PARD6G: variants seen among roughly 807,000 people sequenced by gnomAD.
PARD6G encodes the protein partitioning defective 6 homolog gamma.
A neutral mutation model predicts 10.7 loss-of-function variants in PARD6G; 7 were observed. The ratio of observed to expected loss-of-function variants is 0.66; its 90% confidence interval spans 0.37 to 1.23. PARD6G has a LOEUF of 1.23. PARD6G is among the 50% of genes most tolerant of loss of function. PARD6G has a pLI of 0.02. For missense variants in PARD6G, 548 were observed against 571.8 expected (o/e 0.96, Z 0.42); for synonymous variants, 287 against 269.4 (o/e 1.07, Z -0.64).
Position 80,247,475 on chromosome 18 carries a change from C to G in PARD6G, c.-127G>C, listed in dbSNP as rs1403687792. 2.8e-5 allele frequency: 13 copies of G among 470,798 alleles called. No homozygotes were observed. The highest frequency in any genetic ancestry group is 1.7e-4 in the South Asian group (2 of 11,642). The allele number at this position is 470,798 out of a possible 1,614,324, so 29.2% of individuals were successfully genotyped here. On this transcript the variant is annotated 5_prime_UTR_variant, in exon 1 of 3. Coordinates refer to ENST00000353265, the MANE Select transcript of PARD6G (RefSeq NM_032510.4). This position sits in a 1 kb window ranked among gnomAD's most constrained non-coding sequence, Gnocchi z 4.2. ...GCGCTCGCTTGGCCGGCGGGCTGCT[C>G]CCGGTGCTGCGGGCCCGAGCTGGGC...
At chr18:80,224,409 C>G (rs941743332) in intron 1 of PARD6G, among the ~76,000 whole-genome samples, 2 of 152,194 alleles carry the variant, frequency 1.3e-5, no homozygotes, top group African/African-American at 4.8e-5. Context: ...TGCCTGGGCC[C>G]TGATTCAGTA....
At chr18:80,218,204 T>G (rs1967191450) in intron 1 of PARD6G, among the ~76,000 whole-genome samples, 1 of 152,044 alleles carries the variant, frequency 6.6e-6, no homozygotes, top group African/African-American at 2.4e-5. Context: ...CTTAACTCAT[T>G]CCAGCATTAA....
intron 1 of PARD6G, among the ~76,000 whole-genome samples, chr18:80,211,408 T>G (rs1157879617): frequency 1.3e-5 from 2 of 152,144 alleles, no homozygotes; most frequent in African/African-American, 2.4e-5. Context: ...AAAAGCAAAA[T>G]AGTAAGTGTT....
rs2052698228 is a variant in PARD6G at position 80,161,106 on chromosome 18, C to G, written c.296-500G>C. ...CAAGCCCCACCACAGTGTCTTCTAG[C>G]CAGCATTCAAGGCCCCTGAATGTGT... On this transcript the variant is annotated intron_variant, in intron 2 of 2. Transcript: ENST00000353265. The surrounding 1 kb of genome is among the most constrained non-coding windows in gnomAD (Gnocchi z 4.6). 6.6e-6 allele frequency among the ~76,000 whole-genome samples: 1 copy of G among 152,200 alleles called. No homozygotes were observed. Among genetic ancestry groups the G allele is most frequent in the African/African-American group, 2.4e-5 (1 of 41,460 alleles).
Position 80,182,950 on chromosome 18 carries a change from C to G in PARD6G, c.295+19760G>C, listed in dbSNP as rs1299398606. 3.2e-6 allele frequency: 2 copies of G among 615,824 alleles called. No individual in the cohort carries two copies. The highest frequency in any genetic ancestry group is 5.8e-6 in the Non-Finnish European group (2 of 343,200). 38.1% of individuals were successfully genotyped at this position (615,824 alleles called of 1,614,324 possible). ...ACAACACTGCAGGCCCCACACCACG[C>G]AGCCAGACGCCCCTCCCAGTCCTCC... On this transcript the variant is annotated intron_variant, in intron 2 of 2. Coordinates refer to ENST00000353265, the MANE Select transcript of PARD6G (RefSeq NM_032510.4). This position sits in a 1 kb window ranked among gnomAD's most constrained non-coding sequence, Gnocchi z 4.5.
At position 80,202,934 on chromosome 18, in the gene PARD6G, T is replaced by C; in HGVS notation, c.73-2A>G. On this transcript the variant is annotated splice_acceptor_variant, in intron 1 of 2. Transcript: ENST00000353265. LOFTEE classifies it high-confidence loss of function. The stretch of plus-strand genomic sequence containing the variant: ...GAACCTTCGGAATTCCGCCCCAAAC[T>C]ACAATGCAAGAGACGGGGTGGGGGG... 5 of 828,620 alleles carry C rather than the reference T, an allele frequency of 6.0e-6. No homozygotes were observed. The highest frequency in any genetic ancestry group is 2.3e-5 in the Admixed American group (1 of 43,246). The allele number at this position is 828,620 out of a possible 1,614,324, so 51.3% of individuals were successfully genotyped here. A position where few individuals can be genotyped will look rare whatever the true frequency, so the allele number is the denominator to read the frequency against.
chr18:80,243,011 G>C (rs1967506646), intron 1 of PARD6G, among the ~76,000 whole-genome samples: 1 of 152,158 alleles, frequency 6.6e-6, no homozygotes, highest in Non-Finnish European at 1.5e-5. Flanking sequence ...CGCACTCAAA[G>C]CCTGTAAAAG....
intron 2 of PARD6G, among the ~76,000 whole-genome samples, chr18:80,163,919 A>AG (rs1298200204): frequency 1.3e-4 from 20 of 152,354 alleles, no homozygotes; most frequent in South Asian, 1.2e-3. Context: ...CTGGGGCCTC[A>AG]GGACCGGAGA....
chr18:80,159,178 C>G lies in PARD6G; in HGVS notation c.*593G>C, dbSNP rs768134250. 18 of 151,994 alleles carry G rather than the reference C, an allele frequency of 1.2e-4. No homozygotes were observed. The allele number at this position is 151,994 out of a possible 1,614,324, so 9.4% of individuals were successfully genotyped here. On this transcript the variant is annotated 3_prime_UTR_variant, in exon 3 of 3. Coordinates refer to ENST00000353265, the MANE Select transcript of PARD6G (RefSeq NM_032510.4). ...CTAATTTTTATATTTTTAGTAGAGA[C>G]AGGGTTTCACCATGTTGGCCATGCT...
chr18:80,220,058 A>T (rs1022712175), intron 1 of PARD6G, among the ~76,000 whole-genome samples: 1 of 152,184 alleles, frequency 6.6e-6, no homozygotes, highest in African/African-American at 2.4e-5. Flanking sequence ...TGAGTAATTT[A>T]TAAAGGAAAA....
chr18:80,159,980 C>T lies in PARD6G; in HGVS notation c.922G>A (p.Glu308Lys), dbSNP rs972159760. The change falls in exon 3 of 3, where the codon GAG (glutamate) becomes AAG (lysine). Residue 308 changes from glutamate (E) to lysine (K), a missense_variant. Physicochemically the swap from Glu to Lys is moderately conservative, Grantham distance 56. Transcript: ENST00000353265. ...GGGGTCTGGGGGGGACGTGCAGGCTCCAGTGTGCCCTCGATGACGACGTCG... is the reference window on the plus strand; with the variant it reads ...GGGGTCTGGGGGGGACGTGCAGGCTTCAGTGTGCCCTCGATGACGACGTCG... ...DNDVVIEGTL[E>K]PARPPQTPGA... is the part of the protein sequence containing the mutation. The T allele has an allele frequency of 1.6e-5, 24 of 1,504,584 alleles. No homozygotes were observed. The highest frequency in any genetic ancestry group is 2.0e-5 in the Non-Finnish European group (23 of 1,134,858). The allele number at this position is 1,504,584 out of a possible 1,614,324, so 93.2% of individuals were successfully genotyped here.
intron 1 of PARD6G, among the ~76,000 whole-genome samples, chr18:80,212,419 T>C (rs1206231433): frequency 1.3e-5 from 2 of 152,234 alleles, no homozygotes; most frequent in Non-Finnish European, 1.5e-5. Context: ...ATGACTGCGA[T>C]AAATGCTGCA....
At chr18:80,197,813 C>T (rs763580768) in intron 2 of PARD6G, among the ~76,000 whole-genome samples, 61 of 152,232 alleles carry the variant, frequency 4.0e-4, no homozygotes, top group Non-Finnish European at 7.6e-4. Context: ...ATTCCTGCAC[C>T]CTTGGGGAGG....
rs9961550 is a variant in PARD6G, at chr18:80,215,445, G to A, written c.73-12513C>T. ...AAAACAATAATTATAAAAATGTTTT[G>A]ACAATGTTATATGAAAATGTAATTT... On this transcript the variant is annotated intron_variant, in intron 1 of 2. Transcript: ENST00000353265. 7.3e-3 allele frequency among the ~76,000 whole-genome samples: 1,107 copies of A among 152,196 alleles called. 6 individuals carry two copies. Among genetic ancestry groups the A allele is most frequent in the African/African-American group, 0.025 (1,027 of 41,534 alleles).
chr18:80,222,675 T>G (rs894285362), intron 1 of PARD6G, among the ~76,000 whole-genome samples: 1 of 152,046 alleles, frequency 6.6e-6, no homozygotes, highest in Non-Finnish European at 1.5e-5. Context: ...ATCAATTTAT[T>G]TATTTATTCA....
intron 2 of PARD6G, among the ~76,000 whole-genome samples, chr18:80,193,266 G>T (rs553488835): frequency 6.6e-6 from 1 of 152,156 alleles, no homozygotes; most frequent in Non-Finnish European, 1.5e-5. Context: ...TCGGCCTCAC[G>T]CATGGCCTGG....
In PARD6G at chr18:80,228,503, C is replaced by A. The variant is rs1472390737; in HGVS notation, c.72+18774G>T. On this transcript the variant is annotated intron_variant, in intron 1 of 2. Coordinates refer to ENST00000353265, the MANE Select transcript of PARD6G (RefSeq NM_032510.4). This position sits in a 1 kb window ranked among gnomAD's most constrained non-coding sequence, Gnocchi z 4.6. Reference sequence around the variant, plus strand: ...CCACCCCCACAAGGCCCGCCCACCCCAGGCTTGCCCCAAGGTGCGCAGACT... The same window carrying A: ...CCACCCCCACAAGGCCCGCCCACCCAAGGCTTGCCCCAAGGTGCGCAGACT... Among the ~76,000 whole-genome samples the A allele has an allele frequency of 1.3e-5, 2 of 152,056 alleles. No individual in the cohort carries two copies. The highest frequency in any genetic ancestry group is 2.9e-5 in the Non-Finnish European group (2 of 67,968).
At chr18:80,164,897 A>G (rs2052725089) in intron 2 of PARD6G, among the ~76,000 whole-genome samples, 1 of 152,234 alleles carries the variant, frequency 6.6e-6, no homozygotes, top group Non-Finnish European at 1.5e-5. Flanking sequence ...CAGACGTACT[A>G]ATAACGGTCT....
chr18:80,181,584 C>A lies in PARD6G; in HGVS notation c.296-20978G>T, dbSNP rs890328441. On this transcript the variant is annotated intron_variant, in intron 2 of 2. Coordinates refer to ENST00000353265, the MANE Select transcript of PARD6G (RefSeq NM_032510.4). This position sits in a 1 kb window ranked among gnomAD's most constrained non-coding sequence, Gnocchi z 7.9. ...TGCCCTTCCCCTAAACTCAGCAGAT[C>A]GGATCTACCTCCCCTCTCCCAACAA... Among the ~76,000 whole-genome samples, 6 of 152,078 alleles carry A rather than the reference C, an allele frequency of 3.9e-5. No homozygotes were observed. The highest frequency in any genetic ancestry group is 8.8e-5 in the Non-Finnish European group (6 of 67,992).
Sources: allele counts gnomAD v4.1 joint callset (sites outside exome capture counted in the v4.1 genomes callset), GRCh38; gene constraint gnomAD v4.1.1; non-coding constraint Gnocchi (gnomAD v3.1); transcripts MANE v1.5; gene names NCBI Gene and HGNC (gene_info 2026-07-23, HGNC 2026-07-21).